Variants in OXCT1 observed in about 807,000 individuals in gnomAD.
OXCT1 encodes the protein 3-oxoacid CoA-transferase 1.
Under a neutral mutation model 69.6 loss-of-function variants are expected in OXCT1, and 27 were observed. The ratio of observed to expected loss-of-function variants is 0.39; its 90% CI spans 0.29 to 0.54. The LOEUF (loss-of-function observed/expected upper bound fraction) is 0.54, where lower values mean the gene tolerates loss of function less well. Ranked by LOEUF, OXCT1 falls within the 20% of genes least tolerant of loss-of-function variation. The probability of loss-of-function intolerance (pLI) is 0.72; values close to 1 mark genes in which losing one functional copy is unlikely to be tolerated. For synonymous variants in OXCT1, 202 were observed against 217.8 expected (o/e 0.93, Z 0.64); for missense variants, 437 against 650.2 (o/e 0.67, Z 3.57).
intron 11 of OXCT1, among the ~76,000 whole-genome samples, chr5:41,799,774 G>T (rs1256966045): frequency 6.6e-6 from 1 of 152,070 alleles, no homozygotes; most frequent in Non-Finnish European, 1.5e-5. Flanking sequence ...ATCACAGTAG[G>T]CCTTTCAGAG....
At chr5:41,799,527 T>C (rs1430136638) in intron 11 of OXCT1, among the ~76,000 whole-genome samples, 1 of 152,190 alleles carries the variant, frequency 6.6e-6, no homozygotes, top group Non-Finnish European at 1.5e-5. Context: ...CTAAGCTCTA[T>C]GGAATCAGAA....
intron 7 of OXCT1, among the ~76,000 whole-genome samples, chr5:41,813,929 T>C (rs553972849): frequency 2.0e-5 from 3 of 152,140 alleles, no homozygotes; most frequent in Non-Finnish European, 2.9e-5. Flanking sequence ...TTCTTTTATA[T>C]GTACTATTAA....
intron 8 of OXCT1, 83 bp downstream of exon 8, chr5:41,807,248 C>T: frequency 1.3e-6 from 1 of 787,956 alleles, no homozygotes; most frequent in South Asian, 1.4e-5. Context: ...AGCTCTAGTT[C>T]CCCATCATCT....
At chr5:41,795,828 G>A (rs375425891) in intron 11 of OXCT1, among the ~76,000 whole-genome samples, 5 of 152,082 alleles carry the variant, frequency 3.3e-5, no homozygotes, top group African/African-American at 7.2e-5. Flanking sequence ...CACATTACAC[G>A]TCTTAAATAT....
At chr5:41,773,196 T>C (rs943865305) in intron 13 of OXCT1, among the ~76,000 whole-genome samples, 2 of 151,656 alleles carry the variant, frequency 1.3e-5, no homozygotes, top group African/African-American at 2.4e-5. Context: ...ATCTATAAGA[T>C]GGGGGAAAAA....
At chr5:41,826,611 A>C (rs1431415493) in intron 7 of OXCT1, among the ~76,000 whole-genome samples, 1 of 151,402 alleles carries the variant, frequency 6.6e-6, no homozygotes, top group East Asian at 1.9e-4. Flanking sequence ...GTGAGAAACA[A>C]ATCTTAATCT....
intron 14 of OXCT1, among the ~76,000 whole-genome samples, chr5:41,752,384 T>C (rs764488709): frequency 9.2e-5 from 14 of 152,054 alleles, no homozygotes; most frequent in African/African-American, 1.9e-4. Context: ...CATTCATGCT[T>C]ATATATTGCA....
At chr5:41,842,633 A>C (rs1221759353) in intron 6 of OXCT1, 42 bp downstream of exon 6, 1 of 1,306,866 alleles carries the variant, frequency 7.7e-7, no homozygotes, top group African/African-American at 1.5e-5. Context: ...CCATTTTTAG[A>C]GTTGCTGATA....
intron 7 of OXCT1, among the ~76,000 whole-genome samples, chr5:41,832,676 C>T (rs779896730): frequency 6.6e-5 from 10 of 151,954 alleles, no homozygotes; most frequent in South Asian, 2.1e-4. Flanking sequence ...AATAAGGCAC[C>T]GGGGACCAAT....
intron 13 of OXCT1, among the ~76,000 whole-genome samples, chr5:41,776,978 G>A (rs1745154123): frequency 6.6e-6 from 1 of 152,184 alleles, no homozygotes; most frequent in Non-Finnish European, 1.5e-5. Context: ...TATGACAAAT[G>A]ATGTACCATT....
intron 10 of OXCT1, among the ~76,000 whole-genome samples, chr5:41,802,009 G>A (rs1349446861): frequency 3.3e-5 from 5 of 151,936 alleles, no homozygotes; most frequent in African/African-American, 7.2e-5. Context: ...GGCAACTAAT[G>A]TTCAGAGCTA....
chr5:41,841,568 C>T (rs1222013013), intron 6 of OXCT1, among the ~76,000 whole-genome samples: 1 of 152,172 alleles, frequency 6.6e-6, no homozygotes, highest in Non-Finnish European at 1.5e-5. Context: ...CATTAACCAC[C>T]AGCATAAAGT....
intron 4 of OXCT1, among the ~76,000 whole-genome samples, chr5:41,852,341 T>A (rs528855819): frequency 6.6e-6 from 1 of 152,340 alleles, no homozygotes; most frequent in East Asian, 1.9e-4. Context: ...TTCCCATGTG[T>A]GCTTTCTAGA....
intron 2 of OXCT1, 22 bp from the exon 3 acceptor site, chr5:41,861,426 A>G (rs370775671): frequency 5.5e-5 from 75 of 1,370,392 alleles, no homozygotes; most frequent in Non-Finnish European, 7.7e-5. Flanking sequence ...CCAAAAAATA[A>G]ACAATTTGTA....
chr5:41,826,359 G>T (rs1356409103), intron 7 of OXCT1, among the ~76,000 whole-genome samples: 2 of 152,154 alleles, frequency 1.3e-5, no homozygotes, highest in African/African-American at 2.4e-5. Context: ...TGCCTTGCCA[G>T]CTGCCATTTA....
chr5:41,830,084 C>A (rs536740225), intron 7 of OXCT1, among the ~76,000 whole-genome samples: 29 of 152,152 alleles, frequency 1.9e-4, no homozygotes, highest in South Asian at 1.2e-3. Context: ...ATTTAGTAAT[C>A]AATTTTAAAA....
chr5:41,823,303 C>CAA (rs1454343326), intron 7 of OXCT1, among the ~76,000 whole-genome samples: 1 of 152,160 alleles, frequency 6.6e-6, no homozygotes, highest in Non-Finnish European at 1.5e-5. Context: ...GCCAGAAGCA[C>CAA]AAGGAAATTT....
At chr5:41,790,317 T>C (rs1462241705) in intron 13 of OXCT1, among the ~76,000 whole-genome samples, 1 of 152,230 alleles carries the variant, frequency 6.6e-6, no homozygotes, top group Admixed American at 6.5e-5. Flanking sequence ...GCTCTGAATA[T>C]AGATTCAGCG....
chr5:41,750,820 GTTCAGGGAATAAAAGACA>G (rs1167920815), intron 14 of OXCT1, among the ~76,000 whole-genome samples: 1 of 152,096 alleles, frequency 6.6e-6, no homozygotes, highest in African/African-American at 2.4e-5. Flanking sequence ...ACTTAAGCCA[GTTCAGGGAATAAAAGACA>G]TTCAGTAGTT....
Sources: gnomAD v4.1 joint callset for allele counts (sites outside exome capture counted in the v4.1 genomes callset) on GRCh38, gnomAD v4.1.1 for gene constraint, MANE v1.5 for transcripts, NCBI Gene and HGNC (gene_info 2026-07-23, HGNC 2026-07-21) for gene names.